The following GRB14 variants were observed in gnomAD, a reference collection of about 807,000 sequenced individuals.
GRB14 encodes the protein growth factor receptor bound protein 14.
In GRB14, 38 loss-of-function variants were observed where a neutral mutation model predicts 69.1. That is an observed-to-expected ratio of 0.55 (90% CI 0.42 to 0.72). The LOEUF (loss-of-function observed/expected upper bound fraction) is 0.72, where lower values mean the gene tolerates loss of function less well. Ranked by LOEUF, GRB14 falls within the 30% of genes least tolerant of loss-of-function variation. The pLI, the probability that GRB14 is intolerant of heterozygous loss-of-function variation, is 0.00. For missense variants in GRB14, 666 were observed against 666.1 expected (o/e 1.00, Z 0.00); for synonymous variants, 247 against 241.3 (o/e 1.02, Z -0.22).
intron 2 of GRB14, among the ~76,000 whole-genome samples, chr2:164,578,520 G>GCACACACA (rs1285949117): frequency 9.8e-5 from 8 of 81,272 alleles, no homozygotes; most frequent in Admixed American, 6.5e-4. Flanking sequence ...GACAATTCGC[G>GCACACACA]CGCACACACA....
chr2:164,569,050 C>A (rs1162476014), intron 2 of GRB14, among the ~76,000 whole-genome samples: 1 of 151,882 alleles, frequency 6.6e-6, no homozygotes, highest in African/African-American at 2.4e-5. Flanking sequence ...TAACAATAAA[C>A]CTAAATAATA....
chr2:164,605,696 T>C (rs1690025615), intron 2 of GRB14, among the ~76,000 whole-genome samples: 1 of 152,194 alleles, frequency 6.6e-6, no homozygotes, highest in Non-Finnish European at 1.5e-5. Context: ...AGGAATAAGG[T>C]GGTCTTCAGA....
intron 2 of GRB14, among the ~76,000 whole-genome samples, chr2:164,609,678 T>C (rs1046328956): frequency 6.6e-6 from 1 of 152,202 alleles, no homozygotes; most frequent in Non-Finnish European, 1.5e-5. Flanking sequence ...TACATTTAAA[T>C]ATATGACAAA....
chr2:164,494,760 C>CAGAT (rs1285505967), intron 12 of GRB14, among the ~76,000 whole-genome samples: 2 of 152,084 alleles, frequency 1.3e-5, no homozygotes, highest in Non-Finnish European at 2.9e-5. Context: ...ACCCATTAGT[C>CAGAT]AGATTGTTTG....
intron 2 of GRB14, among the ~76,000 whole-genome samples, chr2:164,608,198 A>G (rs1690083974): frequency 6.6e-6 from 1 of 151,990 alleles, no homozygotes; most frequent in Non-Finnish European, 1.5e-5. Context: ...ATGATGAAAC[A>G]CCATCTCTAC....
Position 164,527,154 on chromosome 2 carries a change from T to A in GRB14, c.482-19A>T. The A allele has an allele frequency of 8.0e-7, 1 of 1,242,914 alleles. No individual in the cohort carries two copies. Among genetic ancestry groups the A allele is most frequent in the Non-Finnish European group, 1.1e-6 (1 of 885,106 alleles). The allele number at this position is 1,242,914 out of a possible 1,614,324, so 77.0% of individuals were successfully genotyped here. ...GTTCTTTCTGTAAAGAATGTTTCAA[T>A]GAGTATGTTGACAGATAGACAAATA... On this transcript the variant is annotated intron_variant, in intron 3 of 13. Transcript: ENST00000263915.
intron 2 of GRB14, among the ~76,000 whole-genome samples, chr2:164,616,164 C>A (rs972997128): frequency 3.9e-5 from 6 of 152,098 alleles, no homozygotes; most frequent in African/African-American, 1.4e-4. Flanking sequence ...GGGGCTCATG[C>A]CTGTAATCCC....
intron 2 of GRB14, among the ~76,000 whole-genome samples, chr2:164,617,084 C>T (rs1021822813): frequency 1.3e-5 from 2 of 152,028 alleles, no homozygotes; most frequent in Non-Finnish European, 2.9e-5. Flanking sequence ...AGGATCAGTT[C>T]TAAATGCAAA....
At chr2:164,536,845 A>G (rs1178101398) in intron 3 of GRB14, among the ~76,000 whole-genome samples, 1 of 152,178 alleles carries the variant, frequency 6.6e-6, no homozygotes, top group Non-Finnish European at 1.5e-5. Context: ...TCTTGTCCAC[A>G]CGGCTTGTTT....
intron 2 of GRB14, among the ~76,000 whole-genome samples, chr2:164,606,008 G>A (rs1266645096): frequency 2.0e-5 from 3 of 152,172 alleles, no homozygotes; most frequent in Non-Finnish European, 4.4e-5. Flanking sequence ...AAGAATATCT[G>A]AGGCGTATAA....
At chr2:164,516,031 T>A (rs1412476972) in intron 6 of GRB14, among the ~76,000 whole-genome samples, 1 of 151,514 alleles carries the variant, frequency 6.6e-6, no homozygotes, top group Non-Finnish European at 1.5e-5. Flanking sequence ...AAAAATAATT[T>A]AAAAGATGAA....
chr2:164,620,482 T>A (rs968253129), intron 1 of GRB14, among the ~76,000 whole-genome samples: 5 of 151,008 alleles, frequency 3.3e-5, no homozygotes, highest in African/African-American at 1.2e-4. Flanking sequence ...GAGAGTAATT[T>A]TAACTTCACT....
chr2:164,578,520 G>GGGCACA (rs1553515709), intron 2 of GRB14, among the ~76,000 whole-genome samples: 1 of 81,182 alleles, frequency 1.2e-5, no homozygotes, highest in Non-Finnish European at 3.1e-5. Flanking sequence ...GACAATTCGC[G>GGGCACA]CGCACACACA....
intron 2 of GRB14, among the ~76,000 whole-genome samples, chr2:164,581,228 C>T (rs572785678): frequency 2.6e-5 from 4 of 152,222 alleles, no homozygotes; most frequent in South Asian, 4.1e-4. Flanking sequence ...ATAATTCCCC[C>T]GCCTTCACCC....
intron 2 of GRB14, among the ~76,000 whole-genome samples, chr2:164,594,798 A>G (rs757595272): frequency 2.6e-5 from 4 of 152,154 alleles, no homozygotes; most frequent in Non-Finnish European, 5.9e-5. Flanking sequence ...TTTCCTTTAA[A>G]CTTTTATAAC....
chr2:164,515,803 G>A (rs1374862687), intron 6 of GRB14, among the ~76,000 whole-genome samples: 108 of 137,774 alleles, frequency 7.8e-4, no homozygotes, highest in Non-Finnish European at 8.5e-4. Context: ...AACTTAGTGA[G>A]AAAAAAAAAA....
chr2:164,542,958 A>T (rs1559042879), intron 3 of GRB14, among the ~76,000 whole-genome samples: 2 of 152,196 alleles, frequency 1.3e-5, no homozygotes, highest in Non-Finnish European at 2.9e-5. Context: ...TCACAATAGC[A>T]AAGACACAGA....
At chr2:164,515,048 G>T (rs879940738) in intron 6 of GRB14, among the ~76,000 whole-genome samples, 1 of 152,102 alleles carries the variant, frequency 6.6e-6, no homozygotes, top group African/African-American at 2.4e-5. Flanking sequence ...TACAGCAGCC[G>T]CAGCAAGCCC....
intron 6 of GRB14, among the ~76,000 whole-genome samples, chr2:164,515,069 G>A (rs974036578): frequency 2.0e-5 from 3 of 152,136 alleles, no homozygotes; most frequent in African/African-American, 2.4e-5. Flanking sequence ...TGCCCAAGGA[G>A]AGTCTGAGCT....
Sources: gnomAD v4.1 joint callset for allele counts (sites outside exome capture counted in the v4.1 genomes callset) on GRCh38, gnomAD v4.1.1 for gene constraint, MANE v1.5 for transcripts, NCBI Gene and HGNC (gene_info 2026-07-23, HGNC 2026-07-21) for gene names.